GALNT17: variants seen among roughly 807,000 people sequenced by gnomAD.
GALNT17 encodes UDP-GalNAc:polypeptide N-acetylgalactosaminyltransferase-like 3.
A neutral mutation model predicts 63.7 loss-of-function variants in GALNT17; 29 were observed. That is an observed-to-expected ratio of 0.46 (90% CI 0.34 to 0.62). The LOEUF (loss-of-function observed/expected upper bound fraction) is 0.62, where lower values mean the gene tolerates loss of function less well. Ranked by LOEUF, GALNT17 falls within the 20% of genes least tolerant of loss-of-function variation. The pLI, the probability that GALNT17 is intolerant of heterozygous loss-of-function variation, is 0.01. For missense variants in GALNT17, 603 were observed against 799.6 expected, an observed-to-expected ratio of 0.75 and a Z score of 2.97; for synonymous variants, 305 against 318.3, an observed-to-expected ratio of 0.96 and a Z score of 0.45.
In GALNT17 at chr7:71,628,663, G is replaced by A. The variant is rs1790411231; in HGVS notation, c.1081-36748G>A. 2.0e-5 allele frequency among the ~76,000 whole-genome samples: 3 copies of A among 152,140 alleles called. No individual in the cohort carries two copies. The South Asian group carries it at 6.2e-4, about 32-fold the overall frequency. On this transcript the variant is annotated intron_variant, in intron 6 of 10. Coordinates refer to ENST00000333538, the MANE Select transcript of GALNT17 (RefSeq NM_022479.3). ...TATTCAGAATTGGCCAGGTGCGGTG[G>A]CTTATGCCTGTAATTCCAGCACTTT...
chr7:71,146,531 A>G (rs1319010088), intron 1 of GALNT17, among the ~76,000 whole-genome samples: 1 of 152,202 alleles, frequency 6.6e-6, no homozygotes, highest in Non-Finnish European at 1.5e-5. Context: ...GTCTGGAGAT[A>G]TGGTGCCCAT....
intron 5 of GALNT17, among the ~76,000 whole-genome samples, chr7:71,476,675 C>G (rs1398266262): frequency 2.0e-5 from 3 of 152,036 alleles, no homozygotes; most frequent in Non-Finnish European, 1.5e-5. Flanking sequence ...TTTTGGTCAT[C>G]GCAGCGGGGA....
At chr7:71,156,785 T>A (rs1788245267) in intron 1 of GALNT17, among the ~76,000 whole-genome samples, 1 of 150,216 alleles carries the variant, frequency 6.7e-6, no homozygotes, top group African/African-American at 2.5e-5. Context: ...AGTGGTGCAA[T>A]CATAGCTCAC....
chr7:71,521,584 C>T (rs1788531745), intron 5 of GALNT17, among the ~76,000 whole-genome samples: 3 of 152,216 alleles, frequency 2.0e-5, no homozygotes, highest in Admixed American at 2.0e-4. Context: ...ATCAGATCAC[C>T]GTGACTGAAC....
chr7:71,544,216 C>G (rs1364261144), intron 5 of GALNT17, among the ~76,000 whole-genome samples: 1 of 150,738 alleles, frequency 6.6e-6, no homozygotes, highest in Non-Finnish European at 1.5e-5. Context: ...ACTGCAAGCT[C>G]CGCCTCCTGG....
At chr7:71,333,721 G>A (rs1271216419) in intron 1 of GALNT17, among the ~76,000 whole-genome samples, 6 of 152,016 alleles carry the variant, frequency 3.9e-5, no homozygotes, top group Non-Finnish European at 5.9e-5. Flanking sequence ...GGCTGGTCTC[G>A]AACTCCTCAG....
At chr7:71,275,532 G>C (rs1268688276) in intron 1 of GALNT17, among the ~76,000 whole-genome samples, 3 of 152,178 alleles carry the variant, frequency 2.0e-5, no homozygotes. Flanking sequence ...TCTTGTGTGA[G>C]ACCCACTGAG....
At chr7:71,244,730 T>C (rs1790063000) in intron 1 of GALNT17, among the ~76,000 whole-genome samples, 1 of 152,096 alleles carries the variant, frequency 6.6e-6, no homozygotes, top group East Asian at 1.9e-4. Context: ...GGAAGGATCA[T>C]TTAAGGCCAG....
At position 71,180,620 on chromosome 7, in the gene GALNT17, C is replaced by T. The variant is rs191615084; in HGVS notation, c.238+47580C>T. 1.9e-3 allele frequency among the ~76,000 whole-genome samples: 283 copies of T among 152,204 alleles called. 1 individual carries two copies. The highest frequency in any genetic ancestry group is 0.017 in the Admixed American group (265 of 15,286). ...TCTGCAGATGAAAAACTGAGGTGGA[C>T]GTATTAAATGGCTTGCCCTTTTCAT... On this transcript the variant is annotated intron_variant, in intron 1 of 10. Coordinates refer to ENST00000333538, the MANE Select transcript of GALNT17 (RefSeq NM_022479.3).
At chr7:71,452,497 A>G (rs1000037545) in intron 5 of GALNT17, among the ~76,000 whole-genome samples, 5 of 151,616 alleles carry the variant, frequency 3.3e-5, no homozygotes, top group Non-Finnish European at 7.4e-5. Flanking sequence ...CAGTGAGTCA[A>G]GGTCACACCA....
intron 1 of GALNT17, among the ~76,000 whole-genome samples, chr7:71,158,597 G>T (rs1264797835): frequency 4.6e-5 from 7 of 151,050 alleles, no homozygotes; most frequent in African/African-American, 1.5e-4. Context: ...TTTTGTTTGA[G>T]ATGGAATCTC....
rs748084674 is a variant in GALNT17, at chr7:71,665,495, A to G, written c.1165A>G (p.Asn389Asp). ...GCGGAAGAAGAAGCCATATAATAGC[A>G]ACATTGGCTTCTACACCAAGAGGAA... is the stretch of plus-strand genomic sequence containing the variant. The part of the protein sequence containing the change: ...IERKKKPYNS[N>D]IGFYTKRNAL... Residue 389 changes from asparagine to aspartate, a missense_variant, in exon 7 of 11, where the codon AAC (asparagine) becomes GAC (aspartate). Around this residue, in one of 3 missense-constraint regions of GALNT17, gnomAD observed 336 missense variants for 507.8 expected, o/e 0.66. Coordinates refer to ENST00000333538, the MANE Select transcript of GALNT17 (RefSeq NM_022479.3). 4 of 1,613,890 alleles carry G rather than the reference A, an allele frequency of 2.5e-6. No individual in the cohort carries two copies. Among genetic ancestry groups the G allele is most frequent in the South Asian group, 2.2e-5 (2 of 91,064 alleles).
intron 1 of GALNT17, among the ~76,000 whole-genome samples, chr7:71,262,327 G>T (rs1790399607): frequency 6.6e-6 from 1 of 151,974 alleles, no homozygotes; most frequent in Non-Finnish European, 1.5e-5. Context: ...TGTTGTCCAG[G>T]CTGGTCTCAA....
chr7:71,698,893 C>T (rs867934768), intron 9 of GALNT17, among the ~76,000 whole-genome samples: 8 of 151,982 alleles, frequency 5.3e-5, no homozygotes, highest in African/African-American at 1.7e-4. Flanking sequence ...AGGAGAGCGC[C>T]GGGCCCAGTG....
chr7:71,484,135 G>A (rs993573257), intron 5 of GALNT17, among the ~76,000 whole-genome samples: 1 of 152,180 alleles, frequency 6.6e-6, no homozygotes, highest in African/African-American at 2.4e-5. Context: ...CTAAAATAAT[G>A]ATGAAAGTAT....
chr7:71,457,949 A>G (rs933054931), intron 5 of GALNT17, among the ~76,000 whole-genome samples: 1 of 152,160 alleles, frequency 6.6e-6, no homozygotes, highest in Non-Finnish European at 1.5e-5. Flanking sequence ...TATCCAGAAC[A>G]GCAGGCATCT....
chr7:71,145,251 G>C (rs565836657), intron 1 of GALNT17, among the ~76,000 whole-genome samples: 18 of 152,264 alleles, frequency 1.2e-4, no homozygotes, highest in Non-Finnish European at 1.9e-4. Flanking sequence ...TGTTTACCTT[G>C]TTATCCATGG....
intron 5 of GALNT17, among the ~76,000 whole-genome samples, chr7:71,504,976 A>G (rs1788243523): frequency 6.6e-6 from 1 of 152,070 alleles, no homozygotes; most frequent in African/African-American, 2.4e-5. Flanking sequence ...TCTCCAGCAT[A>G]TATCCCACAC....
At chr7:71,388,454 C>T in intron 3 of GALNT17, 53 bp downstream of exon 3, 2 of 1,572,140 alleles carry the variant, frequency 1.3e-6, no homozygotes, top group Non-Finnish European at 1.7e-6. Flanking sequence ...GGGGGAAATG[C>T]CACTTTCATT....
Sources: gnomAD v4.1 joint callset for allele counts (sites outside exome capture counted in the v4.1 genomes callset) on GRCh38, gnomAD v4.1.1 for gene constraint, gnomAD v4.1.1 regional missense constraint, MANE v1.5 for transcripts, NCBI Gene and HGNC (gene_info 2026-07-23, HGNC 2026-07-21) for gene names.